The following SMYD3 variants were observed in gnomAD, a reference collection of about 807,000 sequenced individuals.
SMYD3 encodes histone-lysine N-methyltransferase SMYD3.
SMYD3 carries 36 observed loss-of-function variants against 57.7 expected under a neutral mutation model. That is an observed-to-expected ratio of 0.62 (90% CI 0.48 to 0.82). The LOEUF (loss-of-function observed/expected upper bound fraction) is 0.82. Ranked by LOEUF, SMYD3 falls within the 40% of genes least tolerant of loss-of-function variation. The pLI, the probability that SMYD3 is intolerant of heterozygous loss-of-function variation, is 0.00. For missense variants in SMYD3, 515 were observed against 538.8 expected, an observed-to-expected ratio of 0.96 and a Z score of 0.44; for synonymous variants, 211 against 195.0, an observed-to-expected ratio of 1.08 and a Z score of -0.68.
intron 5 of SMYD3, among the ~76,000 whole-genome samples, chr1:246,266,588 A>AT (rs1287444433): frequency 4.6e-5 from 7 of 152,176 alleles, no homozygotes; most frequent in African/African-American, 1.7e-4. Context: ...GGAAAATACT[A>AT]TAACACTGAA....
rs553147301 is a variant in SMYD3 at position 246,494,299 on chromosome 1, TC to T, written c.164+12754del. On this transcript the variant is annotated intron_variant, in intron 1 of 11. Transcript: ENST00000490107. ...GTCTACTAAACAATGTATGCACATTTCCCAATTAGTTATTCCTCCATAGTTG... is the reference window on the plus strand; with the variant it reads ...GTCTACTAAACAATGTATGCACATTTCCAATTAGTTATTCCTCCATAGTTG... 3.4e-3 allele frequency among the ~76,000 whole-genome samples: 514 copies of T among 152,346 alleles called. 1 individual carries two copies. Among genetic ancestry groups the T allele is most frequent in the African/African-American group, 0.012 (494 of 41,582 alleles).
At chr1:246,124,963 T>TCA (rs2061483727) in intron 5 of SMYD3, among the ~76,000 whole-genome samples, 3 of 151,278 alleles carry the variant, frequency 2.0e-5, no homozygotes, top group Non-Finnish European at 4.4e-5. Context: ...TCCCAGCTAC[T>TCA]GGGAAGGCTG....
intron 5 of SMYD3, among the ~76,000 whole-genome samples, chr1:246,200,621 T>C (rs115508583): frequency 0.032 from 4,580 of 142,852 alleles, 88 homozygotes; most frequent in African/African-American, 0.042. Flanking sequence ...ATAGAGAAGA[T>C]AGAGGAGAAC....
At chr1:246,444,014 A>G (rs1228801441) in intron 1 of SMYD3, among the ~76,000 whole-genome samples, 1 of 152,212 alleles carries the variant, frequency 6.6e-6, no homozygotes, top group East Asian at 1.9e-4. Context: ...TCTAAAAGAA[A>G]GAAATAAGGT....
chr1:246,004,465 A>G (rs1041372211), intron 5 of SMYD3, among the ~76,000 whole-genome samples: 1 of 152,182 alleles, frequency 6.6e-6, no homozygotes, highest in African/African-American at 2.4e-5. Context: ...TTAAAGGGCC[A>G]TAAAAGTTGT....
chr1:245,945,905 G>A (rs549110131), intron 5 of SMYD3, among the ~76,000 whole-genome samples: 1 of 152,262 alleles, frequency 6.6e-6, no homozygotes, highest in South Asian at 2.1e-4. Flanking sequence ...AGTGGGAGCT[G>A]AACATTGAGA....
At chr1:246,193,167 T>G (rs2062768310) in intron 5 of SMYD3, among the ~76,000 whole-genome samples, 1 of 152,182 alleles carries the variant, frequency 6.6e-6, no homozygotes. Flanking sequence ...TTACTACCAG[T>G]TAAGAAAATA....
chr1:246,494,281 A>C (rs543083623), intron 1 of SMYD3, among the ~76,000 whole-genome samples: 2 of 152,332 alleles, frequency 1.3e-5, no homozygotes, highest in East Asian at 1.9e-4. Context: ...ATGGTCTACT[A>C]AACAATGTAT....
chr1:246,303,653 T>C (rs1389185848), intron 5 of SMYD3, among the ~76,000 whole-genome samples: 1 of 152,192 alleles, frequency 6.6e-6, no homozygotes, highest in Non-Finnish European at 1.5e-5. Context: ...ACTGTAGTAA[T>C]TTATTATGCA....
At chr1:245,813,552 T>TA (rs2048615742) in intron 10 of SMYD3, among the ~76,000 whole-genome samples, 1 of 152,074 alleles carries the variant, frequency 6.6e-6, no homozygotes, top group Non-Finnish European at 1.5e-5. Context: ...AGTAATTATC[T>TA]AAAAAGAGAT....
intron 5 of SMYD3, among the ~76,000 whole-genome samples, chr1:245,957,784 G>A (rs1385784195): frequency 6.6e-6 from 1 of 152,044 alleles, no homozygotes; most frequent in Non-Finnish European, 1.5e-5. Flanking sequence ...CTCTTGGCCT[G>A]GTAAAACAGG....
chr1:246,058,788 G>C (rs1029455909), intron 5 of SMYD3, among the ~76,000 whole-genome samples: 1 of 151,988 alleles, frequency 6.6e-6, no homozygotes, highest in Non-Finnish European at 1.5e-5. Context: ...AAATTAAATA[G>C]TATAGAAGGA....
intron 5 of SMYD3, among the ~76,000 whole-genome samples, chr1:246,257,995 A>G (rs931616618): frequency 3.3e-5 from 5 of 152,164 alleles, no homozygotes; most frequent in African/African-American, 9.7e-5. Flanking sequence ...TTGCAGAACC[A>G]TAAGTCAATT....
At chr1:245,852,895 C>T (rs2051048539) in intron 10 of SMYD3, among the ~76,000 whole-genome samples, 1 of 152,060 alleles carries the variant, frequency 6.6e-6, no homozygotes, top group Non-Finnish European at 1.5e-5. Flanking sequence ...AGAAAGAGGC[C>T]CTGATTAGGC....
chr1:246,375,754 G>A (rs1461228827), intron 1 of SMYD3, among the ~76,000 whole-genome samples: 1 of 152,070 alleles, frequency 6.6e-6, no homozygotes, highest in Non-Finnish European at 1.5e-5. Context: ...TTTTGAGACA[G>A]AGTCTTGCTC....
intron 5 of SMYD3, among the ~76,000 whole-genome samples, chr1:246,041,443 C>T (rs1004495171): frequency 2.6e-5 from 4 of 152,150 alleles, no homozygotes; most frequent in Admixed American, 2.0e-4. Flanking sequence ...ACCTACATAA[C>T]AGCATTCTGA....
chr1:245,774,249 TC>T (rs964693332), intron 10 of SMYD3, among the ~76,000 whole-genome samples: 4 of 152,150 alleles, frequency 2.6e-5, no homozygotes, highest in African/African-American at 9.7e-5. Flanking sequence ...GCCCACTGTC[TC>T]CCCAGCAGGA....
At chr1:246,029,968 A>G (rs1427944453) in intron 5 of SMYD3, among the ~76,000 whole-genome samples, 1 of 151,124 alleles carries the variant, frequency 6.6e-6, no homozygotes, top group Non-Finnish European at 1.5e-5. Flanking sequence ...CTACCATAGG[A>G]TCCAGCAATC....
At chr1:246,088,783 T>A (rs1006579030) in intron 5 of SMYD3, among the ~76,000 whole-genome samples, 1 of 152,162 alleles carries the variant, frequency 6.6e-6, no homozygotes, top group Non-Finnish European at 1.5e-5. Flanking sequence ...CTTCCTATAT[T>A]ACATCCCCTT....
Sources: gnomAD v4.1 joint callset for allele counts (sites outside exome capture counted in the v4.1 genomes callset) on GRCh38, gnomAD v4.1.1 for gene constraint, MANE v1.5 for transcripts, NCBI Gene and HGNC (gene_info 2026-07-23, HGNC 2026-07-21) for gene names.